MYO19: variants seen among roughly 807,000 people sequenced by gnomAD.
MYO19 encodes unconventional myosin-XIX.
Under a neutral mutation model 129.2 loss-of-function variants are expected in MYO19, and 132 were observed. The ratio of observed to expected loss-of-function variants is 1.02; its 90% confidence interval spans 0.89 to 1.18. The LOEUF is 1.18. Among genes scored for constraint, MYO19 ranks in the 50% most tolerant of loss-of-function variants. The pLI, the probability that MYO19 is intolerant of heterozygous loss-of-function variation, is 0.00. For missense variants in MYO19, 1,210 were observed against 1,216.7 expected (o/e 0.99, Z 0.08); for synonymous variants, 531 against 477.2 (o/e 1.11, Z -1.47).
At position 36,495,919 on chromosome 17, in the gene MYO19, T is replaced by C; in HGVS notation, c.*332A>G. 2 of 1,152,918 alleles carry C rather than the reference T, an allele frequency of 1.7e-6. No individual in the cohort carries two copies. Among genetic ancestry groups the C allele is most frequent in the Non-Finnish European group, 2.2e-6 (2 of 914,458 alleles). 71.4% of individuals were successfully genotyped at this position (1,152,918 alleles called of 1,614,324 possible). On this transcript the variant is annotated 3_prime_UTR_variant, in exon 26 of 26. Coordinates refer to ENST00000614623, the MANE Select transcript of MYO19 (RefSeq NM_001163735.2). ...AACTTTGGCTGTTTTCTTCCAAAAG[T>C]GCTTATGTGGAATTGGGATCCCCAG... is the stretch of plus-strand genomic sequence containing the variant.
At chr17:36,519,757 G>GC (rs988751642) in intron 6 of MYO19, among the ~76,000 whole-genome samples, 2 of 151,734 alleles carry the variant, frequency 1.3e-5, no homozygotes, top group Non-Finnish European at 1.5e-5. Context: ...TTCTTGCAGT[G>GC]CAAGTCTGCA....
chr17:36,542,858 A>C (rs1198396596), intron 1 of MYO19, among the ~76,000 whole-genome samples: 1 of 150,696 alleles, frequency 6.6e-6, no homozygotes, highest in East Asian at 2.0e-4. Context: ...TGGAATTAAA[A>C]GTGCTCGCCA....
chr17:36,530,623 A>AT lies in MYO19; in HGVS notation c.12+1903dup, dbSNP rs71159612. On this transcript the variant is annotated intron_variant, in intron 3 of 25. Transcript: ENST00000614623. ...AGGCACGCGTAAAAGTGGCTTTTGT[A>AT]TTTTTTTTTTTTTTTGACACAGAGT... Among the ~76,000 whole-genome samples, 687 of 79,024 alleles carry AT rather than the reference A, an allele frequency of 8.7e-3. 2 individuals carry two copies. The highest frequency in any genetic ancestry group is 0.017 in the African/African-American group (372 of 21,356). The allele number at this position is 79,024 out of a possible 152,430, so 51.8% of individuals were successfully genotyped here.
At chr17:36,523,031 A>C (rs1480609640) in intron 6 of MYO19, among the ~76,000 whole-genome samples, 5 of 149,414 alleles carry the variant, frequency 3.3e-5, no homozygotes, top group East Asian at 3.9e-4. Flanking sequence ...AAACAAAAAA[A>C]AAAAACTTTG....
In MYO19 at chr17:36,505,334, T is replaced by C; in HGVS notation, c.1868A>G (p.Asn623Ser). ...AAAGGTCTGCGCCTGGCCCTGGCTG[T>C]TGGGCTTGATGCAGCGAATGTAGTG... is the stretch of plus-strand genomic sequence containing the variant. The part of the protein sequence containing the change: ...TPHYIRCIKP[N>S]SQGQAQTFLQ... The change falls in exon 19 of 26, where the codon AAC becomes AGC. Residue 623 changes from asparagine (N) to serine (S), a missense_variant. By Grantham distance (46) the Asn-to-Ser change is conservative. Coordinates refer to ENST00000614623, the MANE Select transcript of MYO19 (RefSeq NM_001163735.2). 6.2e-7 allele frequency: 1 copy of C among 1,614,248 alleles called. No individual in the cohort carries two copies. The highest frequency in any genetic ancestry group is 8.5e-7 in the Non-Finnish European group (1 of 1,180,032).
At chr17:36,510,693 G>C in intron 13 of MYO19, 53 bp downstream of exon 13, 1 of 1,525,062 alleles carries the variant, frequency 6.6e-7, no homozygotes, top group Non-Finnish European at 8.9e-7. Context: ...ACCCCGGACA[G>C]GAAGAGCACT....
intron 6 of MYO19, among the ~76,000 whole-genome samples, chr17:36,519,067 G>C (rs180815394): frequency 1.3e-5 from 2 of 152,188 alleles, no homozygotes; most frequent in Non-Finnish European, 2.9e-5. Context: ...GCTAATTTTT[G>C]TATTTTTTTG....
chr17:36,540,994 A>AT (rs1042955357), intron 2 of MYO19, among the ~76,000 whole-genome samples: 194 of 147,012 alleles, frequency 1.3e-3, no homozygotes, highest in Middle Eastern at 3.5e-3. Context: ...CATAATTTTA[A>AT]TTTTTTTTTT....
chr17:36,543,101 G>A (rs916134445), intron 1 of MYO19: 2 of 152,112 alleles, frequency 1.3e-5, no homozygotes, highest in Non-Finnish European at 2.9e-5. Flanking sequence ...TCATACATAC[G>A]TATTAGATTC....
At chr17:36,509,534 C>A in intron 13 of MYO19, 1 of 217,972 alleles carries the variant, frequency 4.6e-6, no homozygotes. Context: ...AAAACTCTAC[C>A]GGTGGAGCCC....
intron 5 of MYO19, among the ~76,000 whole-genome samples, chr17:36,526,026 T>C (rs1450973704): frequency 6.6e-6 from 1 of 152,158 alleles, no homozygotes; most frequent in African/African-American, 2.4e-5. Flanking sequence ...ATCTCCACAA[T>C]GCCTAGCTAA....
At chr17:36,516,587 G>C (rs1172153993) in intron 6 of MYO19, among the ~76,000 whole-genome samples, 2 of 152,080 alleles carry the variant, frequency 1.3e-5, no homozygotes, top group Non-Finnish European at 2.9e-5. Context: ...GGTGAGTCTG[G>C]TCTTGAGCTC....
intron 21 of MYO19, 120 bp from the exon 22 acceptor site, chr17:36,501,355 T>G: frequency 9.3e-7 from 1 of 1,072,316 alleles, no homozygotes; most frequent in Non-Finnish European, 1.3e-6. Flanking sequence ...TTCTTGGCTC[T>G]AGCCATTTTC....
chr17:36,527,892 G>A (rs1470997605), intron 4 of MYO19, among the ~76,000 whole-genome samples, 172 bp downstream of exon 4: 1 of 152,220 alleles, frequency 6.6e-6, no homozygotes, highest in Non-Finnish European at 1.5e-5. Flanking sequence ...ATGCCCTGGG[G>A]AGCCCAGGTG....
chr17:36,512,716 ACCTCCCTGAAGTGG>A (rs1180404456), intron 11 of MYO19: 14 of 1,288,802 alleles, frequency 1.1e-5, no homozygotes, highest in African/African-American at 4.6e-5. Flanking sequence ...CTGCATTGCT[ACCTCCCTGAAGTGG>A]CCTCCCTTTC....
chr17:36,504,138 A>G (rs891473102), intron 19 of MYO19, 118 bp from the exon 20 acceptor site: 1 of 731,322 alleles, frequency 1.4e-6, no homozygotes, highest in South Asian at 2.2e-5. Flanking sequence ...GGCTCTCCCA[A>G]GGCTTGGCTA....
upstream of MYO19, among the ~76,000 whole-genome samples, chr17:36,544,425 T>C (rs899682376): frequency 6.6e-6 from 1 of 152,144 alleles, no homozygotes; most frequent in African/African-American, 2.4e-5. Flanking sequence ...GACCTGAGTT[T>C]GTCTCTCACC....
In MYO19 at chr17:36,498,506, G is replaced by A. The variant is rs776436141; in HGVS notation, c.2517C>T (p.His839=). Residue 839 remains histidine (H), a synonymous_variant, in exon 25 of 26, where the codon CAC becomes CAT. Transcript: ENST00000614623. ...AKELDGVEEK[H]FSQAPCSLST... is the part of the protein sequence containing the mutation. Reference sequence around the variant, plus strand: ...TCAGGGAACAGGGAGCTTGAGAGAAGTGTTTTTCTTCCACACCATCCAGCT... The same window carrying A: ...TCAGGGAACAGGGAGCTTGAGAGAAATGTTTTTCTTCCACACCATCCAGCT... 2.5e-6 allele frequency: 4 copies of A among 1,614,070 alleles called. No individual in the cohort carries two copies. In the Admixed American group the frequency reaches 6.7e-5, roughly 27 times the overall value.
chr17:36,506,678 C>T lies in MYO19; in HGVS notation c.1645-70G>A, dbSNP rs894599750. On this transcript the variant is annotated intron_variant, in intron 17 of 25. Transcript: ENST00000614623. ...CTGCTCAGGGCCATCCACTGCCCAC[C>T]CAAGCCGCAGATGACGGGGCTTCCA... is the stretch of plus-strand genomic sequence containing the variant. 5.4e-6 allele frequency: 8 copies of T among 1,482,826 alleles called. No homozygotes were observed. In the South Asian group the frequency reaches 1.1e-4, roughly 21 times the overall value. The allele number at this position is 1,482,826 out of a possible 1,614,324, so 91.9% of individuals were successfully genotyped here.
Sources: gnomAD v4.1 joint callset for allele counts (sites outside exome capture counted in the v4.1 genomes callset) on GRCh38, gnomAD v4.1.1 for gene constraint, MANE v1.5 for transcripts, NCBI Gene and HGNC (gene_info 2026-07-23, HGNC 2026-07-21) for gene names.